IL4R: variants seen among roughly 807,000 people sequenced by gnomAD.
The protein encoded by IL4R is interleukin 4 receptor.
In IL4R, 17 loss-of-function variants were observed where a neutral mutation model predicts 41.5. The ratio of observed to expected loss-of-function variants is 0.41; its 90% CI spans 0.28 to 0.61. The LOEUF is 0.61. Among genes scored for constraint, IL4R ranks in the 20% least tolerant of loss-of-function variants. The pLI is 0.31. For synonymous variants in IL4R, 402 were observed against 422.9 expected (o/e 0.95, Z 0.61); for missense variants, 974 against 1,043.1 (o/e 0.93, Z 0.91).
At chr16:27,317,133 G>A (rs910863895) in intron 1 of IL4R, among the ~76,000 whole-genome samples, 13 of 152,122 alleles carry the variant, frequency 8.5e-5, no homozygotes, top group African/African-American at 3.1e-4. Flanking sequence ...TGAACTGCTG[G>A]TCTCAAGCAG....
chr16:27,358,810 T>C, intron 8 of IL4R, 106 bp from the exon 9 acceptor site: 1 of 809,694 alleles, frequency 1.2e-6, no homozygotes, highest in Admixed American at 1.9e-5. Context: ...CTAATCAGCC[T>C]GATCTCTGAT....
intron 3 of IL4R, among the ~76,000 whole-genome samples, chr16:27,340,676 C>T (rs1417495126): frequency 3.9e-5 from 6 of 151,930 alleles, no homozygotes; most frequent in East Asian, 1.9e-4. Flanking sequence ...GAACTGTGAT[C>T]GCGCCACTCC....
At chr16:27,320,444 G>A (rs1192936739) in intron 1 of IL4R, among the ~76,000 whole-genome samples, 1 of 152,192 alleles carries the variant, frequency 6.6e-6, no homozygotes, top group African/African-American at 2.4e-5. Context: ...GCTCTGTGCT[G>A]GGTGCAGGAA....
chr16:27,321,798 G>C (rs1356215359), intron 1 of IL4R, among the ~76,000 whole-genome samples: 1 of 152,000 alleles, frequency 6.6e-6, no homozygotes, highest in Non-Finnish European at 1.5e-5. Context: ...TTCCCTTTTG[G>C]TTCCCATTTT....
intron 4 of IL4R, among the ~76,000 whole-genome samples, chr16:27,344,528 G>C (rs149311794): frequency 6.6e-6 from 1 of 152,166 alleles, no homozygotes; most frequent in Non-Finnish European, 1.5e-5. Context: ...CAAACTGTGC[G>C]ATGCAGAGCT....
At chr16:27,343,729 C>T (rs3024553) in intron 4 of IL4R, among the ~76,000 whole-genome samples, 3,058 of 152,198 alleles carry the variant, frequency 0.02, 101 homozygotes, top group African/African-American at 0.069. Context: ...AGCCCGGCCT[C>T]CTCCTTTATC....
intron 1 of IL4R, among the ~76,000 whole-genome samples, chr16:27,316,287 T>G (rs989934969): frequency 6.6e-6 from 1 of 152,188 alleles, no homozygotes; most frequent in Non-Finnish European, 1.5e-5. Context: ...GGAGGATGGC[T>G]TGAGCCCAGG....
In IL4R at chr16:27,363,288, G is replaced by T; in HGVS notation, c.1936G>T (p.Ala646Ser). ...DLIPGCPGDP[A>S]PVPVPLFTFG... is the part of the protein sequence containing the mutation. ...CATTCCTGGCTGCCCTGGGGACCCT[G>T]CCCCAGTCCCTGTCCCCTTGTTCAC... Residue 646 changes from alanine (A) to serine (S), a missense_variant, in exon 11 of 11, where the codon GCC becomes TCC. Physicochemically the swap from Ala to Ser is moderately conservative, Grantham distance 99 (BLOSUM62 1). Coordinates refer to ENST00000395762, the MANE Select transcript of IL4R (RefSeq NM_000418.4). 6.2e-7 allele frequency: 1 copy of T among 1,605,764 alleles called. No homozygotes were observed.
chr16:27,341,365 C>G (rs1378157743), intron 3 of IL4R: 3 of 595,904 alleles, frequency 5.0e-6, no homozygotes, highest in Non-Finnish European at 6.0e-6. Context: ...ATGAGATAAG[C>G]TTGGAATATT....
intron 1 of IL4R, among the ~76,000 whole-genome samples, chr16:27,320,261 G>A (rs761002046): frequency 7.2e-5 from 11 of 152,150 alleles, no homozygotes; most frequent in Non-Finnish European, 1.5e-4. Flanking sequence ...AGGAAAATAA[G>A]CTCAGGGCTC....
At chr16:27,323,278 T>C (rs2084865072) in intron 1 of IL4R, among the ~76,000 whole-genome samples, 2 of 152,244 alleles carry the variant, frequency 1.3e-5, no homozygotes, top group South Asian at 4.1e-4. Context: ...TCTAAATTCC[T>C]ACCTGGTTAC....
At chr16:27,353,151 T>A (rs3024616) in intron 7 of IL4R, among the ~76,000 whole-genome samples, 2,554 of 152,196 alleles carry the variant, frequency 0.017, 77 homozygotes, top group African/African-American at 0.057. Context: ...GGCAATATAG[T>A]GAAACCCCCA....
chr16:27,333,657 G>A (rs2085173992), intron 2 of IL4R, among the ~76,000 whole-genome samples: 1 of 152,104 alleles, frequency 6.6e-6, no homozygotes, highest in African/African-American at 2.4e-5. Flanking sequence ...TGCTGGGCAA[G>A]CAGGGATTTT....
At chr16:27,361,531 C>T (rs2086283700) in intron 10 of IL4R, among the ~76,000 whole-genome samples, 1 of 151,976 alleles carries the variant, frequency 6.6e-6, no homozygotes, top group African/African-American at 2.4e-5. Flanking sequence ...TAGCTTCTTC[C>T]CTGGGGCCTG....
chr16:27,361,988 G>A (rs1045789079), intron 10 of IL4R, among the ~76,000 whole-genome samples: 7 of 152,136 alleles, frequency 4.6e-5, no homozygotes, highest in Non-Finnish European at 1.0e-4. Context: ...CATCCATAAA[G>A]ACTTTTTCTT....
chr16:27,334,141 C>G (rs888662373), intron 2 of IL4R, among the ~76,000 whole-genome samples: 1 of 152,054 alleles, frequency 6.6e-6, no homozygotes, highest in Admixed American at 6.6e-5. Flanking sequence ...CTCAGCCTCC[C>G]GAAGTGCTGG....
rs750540830 is a variant in IL4R, at chr16:27,362,708, G to A, written c.1356G>A (p.Gly452=). 4 of 1,614,114 alleles carry A rather than the reference G, an allele frequency of 2.5e-6. No individual in the cohort carries two copies. The South Asian group carries it at 3.3e-5, about 13-fold the overall frequency. ...CCTGGGATGAGTTCCCAAGTGCAGG[G>A]CCCAAGGAGGCACCTCCCTGGGGCA... ...HMPWDEFPSA[G]PKEAPPWGKE... The change falls in exon 11 of 11, where the codon GGG becomes GGA. Residue 452 remains glycine, a synonymous_variant. Transcript: ENST00000395762.
chr16:27,342,122 G>A lies in IL4R; in HGVS notation c.72G>A (p.Gly24=), dbSNP rs2085462078. The A allele has an allele frequency of 6.2e-7, 1 of 1,613,854 alleles. No homozygotes were observed. Among genetic ancestry groups the A allele is most frequent in the African/African-American group, 1.3e-5 (1 of 74,946 alleles). Residue 24 remains glycine (G), a splice_region_variant and synonymous_variant, in exon 4 of 11, where the codon GGG becomes GGA. Transcript: ENST00000395762. The stretch of plus-strand genomic sequence containing the variant: ...CAGGCTGCTCCTGTGTCTCCCCAGG[G>A]AACATGAAGGTCTTGCAGGAGCCCA... The part of the protein sequence containing the change: ...CLVLLQVASS[G]NMKVLQEPTC...
chr16:27,321,567 G>C (rs2084812308), intron 1 of IL4R, among the ~76,000 whole-genome samples: 1 of 152,148 alleles, frequency 6.6e-6, no homozygotes, highest in Admixed American at 6.5e-5. Context: ...TGCATATTGG[G>C]CTTGTCAGCT....
Sources: allele counts gnomAD v4.1 joint callset (sites outside exome capture counted in the v4.1 genomes callset), GRCh38; gene constraint gnomAD v4.1.1; transcripts MANE v1.5; gene names NCBI Gene and HGNC (gene_info 2026-07-23, HGNC 2026-07-21).